The following AHI1 variants were observed in gnomAD, a reference collection of about 807,000 sequenced individuals.
AHI1 encodes the protein jouberin.
A neutral mutation model predicts 149.3 loss-of-function variants in AHI1; 123 were observed. The observed-to-expected ratio is 0.82, with a 90% CI of 0.71 to 0.96. AHI1 has a LOEUF of 0.96. Ranked by LOEUF, AHI1 falls within the 40% of genes least tolerant of loss-of-function variation. AHI1 has a pLI of 0.00. For synonymous variants in AHI1, 475 were observed against 459.8 expected (o/e 1.03, Z -0.42); for missense variants, 1,439 against 1,422.7 (o/e 1.01, Z -0.18).
chr6:135,302,381 A>G (rs1783986356), intron 26 of AHI1: 1 of 988,720 alleles, frequency 1.0e-6, no homozygotes. Context: ...ACTTTTAATT[A>G]TTTTTTGTTA....
At chr6:135,363,091 C>T (rs1053035769) in intron 23 of AHI1, among the ~76,000 whole-genome samples, 37 of 150,244 alleles carry the variant, frequency 2.5e-4, no homozygotes, top group Middle Eastern at 3.4e-3. Context: ...GGGTGTTTCT[C>T]GCAGAGGGGG....
At chr6:135,303,449 G>T (rs1166908128) in intron 26 of AHI1, among the ~76,000 whole-genome samples, 4 of 152,064 alleles carry the variant, frequency 2.6e-5, no homozygotes, top group African/African-American at 9.7e-5. Context: ...TTTAAAAAAA[G>T]GATGTGAGAG....
chr6:135,485,483 A>G (rs975774274), intron 5 of AHI1, among the ~76,000 whole-genome samples: 2 of 152,236 alleles, frequency 1.3e-5, no homozygotes, highest in Non-Finnish European at 2.9e-5. Context: ...AAACCATTAC[A>G]ATTGGATTAA....
At chr6:135,477,677 C>CTA (rs111579876) in intron 5 of AHI1, among the ~76,000 whole-genome samples, 4 of 152,310 alleles carry the variant, frequency 2.6e-5, no homozygotes, top group Admixed American at 6.5e-5. Flanking sequence ...CTCTCTCTCT[C>CTA]TCCTGCTCTG....
At chr6:135,489,312 C>T (rs1794918812) in intron 5 of AHI1, among the ~76,000 whole-genome samples, 1 of 152,074 alleles carries the variant, frequency 6.6e-6, no homozygotes, top group Admixed American at 6.6e-5. Context: ...TAAACTGGAC[C>T]TTAGGTAAAT....
At chr6:135,480,198 G>A (rs766076647) in intron 5 of AHI1, among the ~76,000 whole-genome samples, 3 of 152,114 alleles carry the variant, frequency 2.0e-5, no homozygotes, top group East Asian at 1.9e-4. Flanking sequence ...GGTGGCTCAC[G>A]CCTGTAATTG....
chr6:135,477,993 G>T (rs1792982863), intron 5 of AHI1, among the ~76,000 whole-genome samples: 1 of 151,952 alleles, frequency 6.6e-6, no homozygotes. Flanking sequence ...TACAGAGAGG[G>T]TTTCACCATG....
At chr6:135,296,208 T>C (rs1217145414) in intron 27 of AHI1, among the ~76,000 whole-genome samples, 2 of 152,230 alleles carry the variant, frequency 1.3e-5, no homozygotes, top group Non-Finnish European at 2.9e-5. Flanking sequence ...TATATATGCA[T>C]ACATAAAATC....
chr6:135,344,078 A>G (rs190854480), intron 24 of AHI1, among the ~76,000 whole-genome samples: 19 of 152,136 alleles, frequency 1.2e-4, no homozygotes, highest in Admixed American at 3.9e-4. Context: ...TCCCTTATAT[A>G]AAATAGTATT....
At chr6:135,327,344 G>A (rs145258453) in intron 24 of AHI1, among the ~76,000 whole-genome samples, 2 of 152,306 alleles carry the variant, frequency 1.3e-5, no homozygotes, top group East Asian at 3.9e-4. Flanking sequence ...TCCGGATGTA[G>A]AAATGTCTTT....
In AHI1 at chr6:135,283,815, G is replaced by T. The variant is rs1043973871; in HGVS notation, c.*1830C>A. 1 of 152,080 alleles carries T rather than the reference G, an allele frequency of 6.6e-6. No homozygotes were observed. The highest frequency in any genetic ancestry group is 2.4e-5 in the African/African-American group (1 of 41,406). The allele number at this position is 152,080 out of a possible 1,614,324, so 9.4% of individuals were successfully genotyped here. ...TCAACTGCTATTTTTCTCTTTAGTAGTTGCAATATAAAAACAACCCTTTAT... is the reference window on the plus strand; with the variant it reads ...TCAACTGCTATTTTTCTCTTTAGTATTTGCAATATAAAAACAACCCTTTAT... On this transcript the variant is annotated 3_prime_UTR_variant, in exon 29 of 29. Transcript: ENST00000265602.
chr6:135,487,602 T>C (rs1465916881), intron 5 of AHI1, among the ~76,000 whole-genome samples: 1 of 152,188 alleles, frequency 6.6e-6, no homozygotes, highest in Non-Finnish European at 1.5e-5. Context: ...TCTGACACCA[T>C]ATACAGTGTA....
chr6:135,400,035 CCTCT>C (rs1779800626), intron 22 of AHI1, among the ~76,000 whole-genome samples: 1 of 152,008 alleles, frequency 6.6e-6, no homozygotes, highest in Non-Finnish European at 1.5e-5. Flanking sequence ...CTTTTCTGCT[CCTCT>C]CTCTCCTCCC....
intron 28 of AHI1, among the ~76,000 whole-genome samples, chr6:135,288,543 A>G (rs1781958046): frequency 1.3e-5 from 2 of 152,030 alleles, no homozygotes; most frequent in African/African-American, 2.4e-5. Flanking sequence ...TACTACTCAG[A>G]TAATTATTCA....
chr6:135,285,833 A>T (rs981677325), intron 28 of AHI1, among the ~76,000 whole-genome samples, 186 bp from the exon 29 acceptor site: 14 of 152,254 alleles, frequency 9.2e-5, no homozygotes, highest in African/African-American at 2.9e-4. Flanking sequence ...TGCCTCTCAA[A>T]CATTGTTAGC....
intron 23 of AHI1, among the ~76,000 whole-genome samples, chr6:135,392,528 T>C (rs533219676): frequency 6.6e-6 from 1 of 152,368 alleles, no homozygotes; most frequent in South Asian, 2.1e-4. Context: ...CTTTCTTTTA[T>C]ACTGTCCAAA....
intron 24 of AHI1, among the ~76,000 whole-genome samples, chr6:135,331,224 C>T (rs959288024): frequency 3.3e-5 from 5 of 152,162 alleles, no homozygotes; most frequent in Admixed American, 6.5e-5. Flanking sequence ...TTTAAAGACA[C>T]GAGCTAATAT....
intron 23 of AHI1, among the ~76,000 whole-genome samples, chr6:135,362,485 C>T (rs948206226): frequency 1.2e-4 from 19 of 152,152 alleles, no homozygotes; most frequent in Admixed American, 2.6e-4. Context: ...ATGTTCCCAC[C>T]GGCAATGCAG....
intron 11 of AHI1, among the ~76,000 whole-genome samples, 164 bp from the exon 12 acceptor site, chr6:135,448,639 C>T (rs1787612719): frequency 6.6e-6 from 1 of 152,188 alleles, no homozygotes; most frequent in Admixed American, 6.5e-5. Context: ...AAGCACACTT[C>T]CAGATCATTT....
Sources: gnomAD v4.1 joint callset for allele counts (sites outside exome capture counted in the v4.1 genomes callset) on GRCh38, gnomAD v4.1.1 for gene constraint, MANE v1.5 for transcripts, NCBI Gene and HGNC (gene_info 2026-07-23, HGNC 2026-07-21) for gene names.